Variants in PXDN observed in about 807,000 individuals in gnomAD.
PXDN encodes the protein peroxidasin.
In PXDN, 77 loss-of-function variants were observed where a neutral mutation model predicts 140.3. The observed-to-expected ratio is 0.55, with a 90% CI of 0.46 to 0.66. The LOEUF (loss-of-function observed/expected upper bound fraction) is 0.66. Ranked by LOEUF, PXDN falls within the 30% of genes least tolerant of loss-of-function variation. The probability of loss-of-function intolerance (pLI) is 0.00; values close to 1 mark genes in which losing one functional copy is unlikely to be tolerated. For missense variants in PXDN, 1,838 were observed against 2,039.5 expected, an observed-to-expected ratio of 0.90 and a Z score of 1.90; for synonymous variants, 911 against 857.4, an observed-to-expected ratio of 1.06 and a Z score of -1.09.
At chr2:1,689,076 G>A (rs1480124755) in intron 3 of PXDN, among the ~76,000 whole-genome samples, 1 of 152,104 alleles carries the variant, frequency 6.6e-6, no homozygotes, top group African/African-American at 2.4e-5. Context: ...AGTGCCCGCA[G>A]CAGAGGCCTG....
chr2:1,721,375 C>CT (rs1174042188), intron 1 of PXDN, among the ~76,000 whole-genome samples: 1 of 152,166 alleles, frequency 6.6e-6, no homozygotes, highest in Non-Finnish European at 1.5e-5. Flanking sequence ...CCAGTGTGCT[C>CT]TTTGAGTTGA....
In PXDN at chr2:1,648,158, C is replaced by T; in HGVS notation, c.3608+14G>A. On this transcript the variant is annotated intron_variant, in intron 17 of 22. Coordinates refer to ENST00000252804, the MANE Select transcript of PXDN (RefSeq NM_012293.3). The surrounding 1 kb of genome is among the most constrained non-coding windows in gnomAD (Gnocchi z 8.9). ...TAGGTACACGAGCCATCCCACACAG[C>T]CTCTTCAGCTCACCTTTTCAGTTTC... is the stretch of plus-strand genomic sequence containing the variant. 6.2e-7 allele frequency: 1 copy of T among 1,606,582 alleles called. No individual in the cohort carries two copies. The highest frequency in any genetic ancestry group is 1.1e-5 in the South Asian group (1 of 90,258).
At chr2:1,743,469 G>C (rs1342079544) in intron 1 of PXDN, among the ~76,000 whole-genome samples, 1 of 152,116 alleles carries the variant, frequency 6.6e-6, no homozygotes, top group African/African-American at 2.4e-5. Context: ...GGGCCCCCAG[G>C]ACACCCCAGG....
intron 14 of PXDN, among the ~76,000 whole-genome samples, chr2:1,657,743 C>G (rs1248962755): frequency 7.1e-6 from 1 of 141,702 alleles, no homozygotes; most frequent in Non-Finnish European, 1.5e-5. Context: ...CAGGGACGGG[C>G]CCCCTCCTGA....
intron 1 of PXDN, among the ~76,000 whole-genome samples, chr2:1,743,843 G>T (rs1017599155): frequency 6.8e-6 from 1 of 147,424 alleles, no homozygotes; most frequent in African/African-American, 2.5e-5. Context: ...GGTCCTGAGC[G>T]GGGGAAAGGT....
rs1415431113 is a variant in PXDN, at chr2:1,685,815, T to C, written c.417-1664A>G. Reference sequence around the variant, plus strand: ...GGGCCCCAGGCAGCCTGGGGTGTCCTCCACCCCTCCCTGAACAATTGAGGA... The same window carrying C: ...GGGCCCCAGGCAGCCTGGGGTGTCCCCCACCCCTCCCTGAACAATTGAGGA... On this transcript the variant is annotated intron_variant, in intron 4 of 22. Transcript: ENST00000252804. The surrounding 1 kb of genome is among the most constrained non-coding windows in gnomAD (Gnocchi z 5.1). Among the ~76,000 whole-genome samples the C allele has an allele frequency of 6.6e-6, 1 of 151,802 alleles. No homozygotes were observed.
At chr2:1,663,785 A>G in intron 11 of PXDN, 22 bp from the exon 12 acceptor site, 1 of 1,607,284 alleles carries the variant, frequency 6.2e-7, no homozygotes, top group Non-Finnish European at 8.5e-7. Flanking sequence ...TGGGCCCGTT[A>G]CACTGGACAC....
In PXDN at chr2:1,635,479, C is replaced by A; in HGVS notation, c.4249G>T (p.Asp1417Tyr). The A allele has an allele frequency of 6.2e-7, 1 of 1,601,040 alleles. No individual in the cohort carries two copies. Among genetic ancestry groups the A allele is most frequent in the Non-Finnish European group, 8.5e-7 (1 of 1,173,124 alleles). The change falls in exon 22 of 23, where the codon GAT (aspartate) becomes TAT (tyrosine). Residue 1417 changes from aspartate to tyrosine, a missense_variant. Physicochemically the swap from Asp to Tyr is radical, Grantham distance 160 (BLOSUM62 -3). Transcript: ENST00000252804. ...TTGGCGTGAGATTCGCCCCCGGCATCCACGCACTCTGTGGTACTGAGCCGT... is the reference window on the plus strand; with the variant it reads ...TTGGCGTGAGATTCGCCCCCGGCATACACGCACTCTGTGGTACTGAGCCGT... ...ESRLSTTECV[D>Y]AGGESHANNT...
intron 15 of PXDN, 77 bp downstream of exon 15, chr2:1,654,323 T>C: frequency 1.0e-6 from 1 of 961,438 alleles, no homozygotes; most frequent in Admixed American, 2.1e-5. Context: ...TAGAACTGCA[T>C]GCATTCTTTA....
At chr2:1,720,805 T>G (rs1685031817) in intron 1 of PXDN, among the ~76,000 whole-genome samples, 1 of 151,894 alleles carries the variant, frequency 6.6e-6, no homozygotes, top group South Asian at 2.1e-4. Context: ...ACCAACCCAG[T>G]GTTCGCAATG....
At chr2:1,683,817 C>A in intron 5 of PXDN, 90 bp from the exon 6 acceptor site, 1 of 1,060,132 alleles carries the variant, frequency 9.4e-7, no homozygotes, top group African/African-American at 1.6e-5. Flanking sequence ...TATATATCAG[C>A]TTTAAAAAAA....
At chr2:1,655,194 G>A in intron 14 of PXDN, among the ~76,000 whole-genome samples, 1 of 141,490 alleles carries the variant, frequency 7.1e-6, no homozygotes. Context: ...ATACACACAT[G>A]TCACATTATA....
intron 21 of PXDN, chr2:1,636,882 G>C (rs1682573875): frequency 6.6e-6 from 1 of 152,172 alleles, no homozygotes; most frequent in Non-Finnish European, 1.5e-5. Context: ...TGCCTCTGCA[G>C]TCACCAAGAT....
Position 1,651,304 on chromosome 2 carries a change from G to T in PXDN, c.2105-1629C>A, listed in dbSNP as rs901640696. Among the ~76,000 whole-genome samples, 1 of 152,142 alleles carries T rather than the reference G, an allele frequency of 6.6e-6. No homozygotes were observed. Among genetic ancestry groups the T allele is most frequent in the Non-Finnish European group, 1.5e-5 (1 of 68,034 alleles). ...CCAGAATGTTCACTTTTTCCGTGGC[G>T]TTGGCCATTGGTTCAGAGGCAGACC... On this transcript the variant is annotated intron_variant, in intron 16 of 22. Coordinates refer to ENST00000252804, the MANE Select transcript of PXDN (RefSeq NM_012293.3). The surrounding 1 kb of genome is among the most constrained non-coding windows in gnomAD (Gnocchi z 4.4).
intron 1 of PXDN, among the ~76,000 whole-genome samples, chr2:1,708,825 C>T (rs11684605): frequency 0.67 from 102,102 of 152,162 alleles, 34,555 homozygotes; most frequent in Middle Eastern, 0.79. Flanking sequence ...ACCAAGAGCA[C>T]GTGGAGTCTG....
chr2:1,710,484 CAGCACCCACTCTCCACT>C (rs1362198657), intron 1 of PXDN, among the ~76,000 whole-genome samples: 9 of 151,190 alleles, frequency 6.0e-5, no homozygotes, highest in Non-Finnish European at 8.8e-5. Flanking sequence ...CACTTTCCAC[CAGCACCCACTCTCCACT>C]AGCACCCACT....
At chr2:1,641,729 A>G (rs552324264) in intron 19 of PXDN, among the ~76,000 whole-genome samples, 73 of 152,354 alleles carry the variant, frequency 4.8e-4, no homozygotes, top group Non-Finnish European at 7.5e-4. Flanking sequence ...AGGGGCTTGT[A>G]ACATGCGGGG....
At chr2:1,656,580 T>C (rs369571649) in intron 14 of PXDN, among the ~76,000 whole-genome samples, 1 of 139,992 alleles carries the variant, frequency 7.1e-6, no homozygotes. Flanking sequence ...CAGGGACCTG[T>C]CCCCTCCTGC....
intron 9 of PXDN, among the ~76,000 whole-genome samples, chr2:1,668,382 A>C (rs1683494751): frequency 6.6e-6 from 1 of 152,236 alleles, no homozygotes; most frequent in African/African-American, 2.4e-5. Context: ...CATTCAGGAC[A>C]CAGGCATGGG....
Sources: allele counts gnomAD v4.1 joint callset (sites outside exome capture counted in the v4.1 genomes callset), GRCh38; gene constraint gnomAD v4.1.1; non-coding constraint Gnocchi (gnomAD v3.1); transcripts MANE v1.5; gene names NCBI Gene and HGNC (gene_info 2026-07-23, HGNC 2026-07-21).